IQCH: variants seen among roughly 807,000 people sequenced by gnomAD.
The protein encoded by IQCH is IQ motif containing H, also known as IQ domain-containing protein H.
IQCH carries 98 observed loss-of-function variants against 117.0 expected under a neutral mutation model. The ratio of observed to expected loss-of-function variants is 0.84; its 90% CI spans 0.71 to 0.99. The LOEUF is 0.99. IQCH is among the 50% of genes least tolerant of loss of function. IQCH has a pLI of 0.00. For synonymous variants in IQCH, 412 were observed against 448.2 expected (o/e 0.92, Z 1.02); for missense variants, 1,102 against 1,243.8 (o/e 0.89, Z 1.72).
intron 4 of IQCH, among the ~76,000 whole-genome samples, chr15:67,324,767 A>G (rs2140616005): frequency 6.6e-6 from 1 of 152,216 alleles, no homozygotes; most frequent in Middle Eastern, 3.4e-3. Context: ...ATGAGAAGTC[A>G]ACCATTATTC....
At chr15:67,350,086 T>C (rs1172971037) in intron 6 of IQCH, among the ~76,000 whole-genome samples, 1 of 152,240 alleles carries the variant, frequency 6.6e-6, no homozygotes, top group African/African-American at 2.4e-5. Flanking sequence ...GTTTGTAATA[T>C]ATGAATGTTG....
At position 67,393,806 on chromosome 15, in the gene IQCH, G is replaced by A. The variant is rs990844168; in HGVS notation, c.1633-1485G>A. On this transcript the variant is annotated intron_variant, in intron 12 of 20. Coordinates refer to ENST00000335894, the MANE Select transcript of IQCH (RefSeq NM_001031715.3). This position sits in a 1 kb window ranked among gnomAD's most constrained non-coding sequence, Gnocchi z 5.5. ...TACTGGGATTACAGGTATGAGCCAC[G>A]GTGCCTAGCCTGACTTTATTTTTAA... 6.6e-6 allele frequency among the ~76,000 whole-genome samples: 1 copy of A among 151,952 alleles called. No individual in the cohort carries two copies. Among genetic ancestry groups the A allele is most frequent in the East Asian group, 1.9e-4 (1 of 5,182 alleles).
At position 67,364,516 on chromosome 15, in the gene IQCH, AT is replaced by A. The variant is rs1160861083; in HGVS notation, c.753+4636del. 3.3e-5 allele frequency among the ~76,000 whole-genome samples: 5 copies of A among 152,150 alleles called. No individual in the cohort carries two copies. The highest frequency in any genetic ancestry group is 3.3e-4 in the Admixed American group (5 of 15,280). On this transcript the variant is annotated intron_variant, in intron 8 of 20. Transcript: ENST00000335894. This position sits in a 1 kb window ranked among gnomAD's most constrained non-coding sequence, Gnocchi z 4.1. ...TTTTCATAGCATTGTCTAACTGAAC[AT>A]TTTTATTACATGTGATTAATAATTT...
In IQCH at chr15:67,425,314, A is replaced by G. The variant is rs955588508; in HGVS notation, c.2505+3737A>G. On this transcript the variant is annotated intron_variant, in intron 16 of 20. Transcript: ENST00000335894. The surrounding 1 kb of genome is among the most constrained non-coding windows in gnomAD (Gnocchi z 5.5). ...TTATTTTTGGCCATGTTTCTCCACC[A>G]TAAAAATTACTATTTCTGGCCAGGT... Among the ~76,000 whole-genome samples the G allele has an allele frequency of 1.3e-5, 2 of 152,152 alleles. No homozygotes were observed. Among genetic ancestry groups the G allele is most frequent in the African/African-American group, 2.4e-5 (1 of 41,440 alleles).
At position 67,336,997 on chromosome 15, in the gene IQCH, A is replaced by G. The variant is rs138268014; in HGVS notation, c.410A>G (p.Lys137Arg). 2.0e-4 allele frequency: 317 copies of G among 1,613,432 alleles called. No homozygotes were observed. Among genetic ancestry groups the G allele is most frequent in the Non-Finnish European group, 2.5e-4 (294 of 1,179,698 alleles). The change falls in exon 5 of 21, where the codon AAA (lysine) becomes AGA (arginine). Residue 137 changes from lysine (K) to arginine (R), a missense_variant. Around this residue, in one of 2 missense-constraint regions of IQCH, gnomAD observed 452 missense variants for 449.6 expected, o/e 1.01. Coordinates refer to ENST00000335894, the MANE Select transcript of IQCH (RefSeq NM_001031715.3). ...RAKIKVSKLI[K>R]GSNISSLTVL... The stretch of plus-strand genomic sequence containing the variant: ...TAGATAAAGGTTTCGAAGTTAATCA[A>G]AGGGTCTAACATATCCAGCCTCACG...
intron 4 of IQCH, among the ~76,000 whole-genome samples, chr15:67,296,892 C>G (rs1966855551): frequency 1.3e-5 from 2 of 152,126 alleles, no homozygotes; most frequent in Non-Finnish European, 2.9e-5. Context: ...TGACTGTGAC[C>G]ACACTCACCT....
chr15:67,494,156 C>T lies in IQCH; in HGVS notation c.2862-102C>T, dbSNP rs771130060. ...GCCACCTTGTGAGATTGAAAATACT[C>T]ATTAAATTCCATCACCAGACAGGCA... On this transcript the variant is annotated intron_variant, in intron 19 of 20. Coordinates refer to ENST00000335894, the MANE Select transcript of IQCH (RefSeq NM_001031715.3). This position sits in a 1 kb window ranked among gnomAD's most constrained non-coding sequence, Gnocchi z 5.5. The T allele has an allele frequency of 2.8e-6, 2 of 705,046 alleles. No individual in the cohort carries two copies. Among genetic ancestry groups the T allele is most frequent in the South Asian group, 2.3e-5 (1 of 43,836 alleles). 43.7% of individuals were successfully genotyped at this position (705,046 alleles called of 1,614,324 possible). A position where few individuals can be genotyped will look rare whatever the true frequency, so the allele number is the denominator to read the frequency against.
At chr15:67,462,363 G>A (rs2141016087) in intron 16 of IQCH, among the ~76,000 whole-genome samples, 1 of 151,562 alleles carries the variant, frequency 6.6e-6, no homozygotes, top group South Asian at 2.1e-4. Flanking sequence ...GGGAGGCAGA[G>A]GTTGCAGTGA....
At chr15:67,489,565 C>T (rs2083592391) in intron 18 of IQCH, among the ~76,000 whole-genome samples, 1 of 121,610 alleles carries the variant, frequency 8.2e-6, no homozygotes, top group Admixed American at 8.5e-5. Context: ...ATTCTCCCGC[C>T]TCAGTCTCCC....
intron 4 of IQCH, 100 bp downstream of exon 4, chr15:67,279,612 T>C: frequency 1.6e-6 from 1 of 609,780 alleles, no homozygotes; most frequent in Non-Finnish European, 2.9e-6. Context: ...GTATGAAGTT[T>C]CTTTGGGGGA....
chr15:67,327,365 A>G (rs115304154), intron 4 of IQCH, among the ~76,000 whole-genome samples: 438 of 152,294 alleles, frequency 2.9e-3, no homozygotes, highest in African/African-American at 9.9e-3. Flanking sequence ...TGGACATGCA[A>G]TGTCTGAATA....
rs553250630 is a variant in IQCH, at chr15:67,401,262, CTTAA to C, written c.2097+962_2097+965del. Among the ~76,000 whole-genome samples, 579 of 152,270 alleles carry C rather than the reference CTTAA, an allele frequency of 3.8e-3. 7 individuals are homozygous for C. The highest frequency in any genetic ancestry group is 0.013 in the African/African-American group (546 of 41,544). On this transcript the variant is annotated intron_variant, in intron 14 of 20. Coordinates refer to ENST00000335894, the MANE Select transcript of IQCH (RefSeq NM_001031715.3). The surrounding 1 kb of genome is among the most constrained non-coding windows in gnomAD (Gnocchi z 4.7). Reference sequence around the variant, plus strand: ...AACCTTTTAGTCCCTTCCAAATTTGCTTAATTAAAGTAATTTTATATGGTTTAAT... The same window carrying C: ...AACCTTTTAGTCCCTTCCAAATTTGCTTAAAGTAATTTTATATGGTTTAAT...
intron 8 of IQCH, among the ~76,000 whole-genome samples, chr15:67,360,269 A>G (rs1461434371): frequency 2.0e-5 from 3 of 152,212 alleles, no homozygotes; most frequent in African/African-American, 4.8e-5. Flanking sequence ...ACGTGCTTAT[A>G]TGTGTGCATG....
chr15:67,279,563 G>T, intron 4 of IQCH, 51 bp downstream of exon 4: 1 of 1,042,962 alleles, frequency 9.6e-7, no homozygotes. Context: ...TGATTGCCAG[G>T]GGCTGGGAGG....
At chr15:67,276,226 T>G (rs748741016) in intron 3 of IQCH, among the ~76,000 whole-genome samples, 2 of 152,200 alleles carry the variant, frequency 1.3e-5, no homozygotes, top group Non-Finnish European at 2.9e-5. Context: ...TCCATAGAAG[T>G]AAAAGGATTT....
rs1971300143 is a variant in IQCH, at chr15:67,391,973, C to T, written c.1632+2967C>T. Among the ~76,000 whole-genome samples, 1 of 152,160 alleles carries T rather than the reference C, an allele frequency of 6.6e-6. No individual in the cohort carries two copies. The highest frequency in any genetic ancestry group is 1.5e-5 in the Non-Finnish European group (1 of 68,026). Reference sequence around the variant, plus strand: ...TTCTATTGCTGCATCTGCCATCCCCCTTCACATCTCAAAAACCCACCAGAT... The same window carrying T: ...TTCTATTGCTGCATCTGCCATCCCCTTTCACATCTCAAAAACCCACCAGAT... On this transcript the variant is annotated intron_variant, in intron 12 of 20. Transcript: ENST00000335894. The surrounding 1 kb of genome is among the most constrained non-coding windows in gnomAD (Gnocchi z 4.3).
intron 4 of IQCH, among the ~76,000 whole-genome samples, chr15:67,300,972 G>A (rs538207459): frequency 1.4e-4 from 21 of 152,228 alleles, no homozygotes; most frequent in African/African-American, 4.6e-4. Flanking sequence ...AATTGGCTCT[G>A]ATAATAACTT....
intron 16 of IQCH, among the ~76,000 whole-genome samples, chr15:67,438,679 A>G (rs2082195432): frequency 6.6e-6 from 1 of 152,228 alleles, no homozygotes; most frequent in East Asian, 1.9e-4. Flanking sequence ...CATCTAACAC[A>G]TAAGGACTCA....
chr15:67,421,458 C>T lies in IQCH; in HGVS notation c.2386C>T (p.Pro796Ser), dbSNP rs1483373381. 2 of 1,614,182 alleles carry T rather than the reference C, an allele frequency of 1.2e-6. No individual in the cohort carries two copies. The highest frequency in any genetic ancestry group is 1.7e-6 in the Non-Finnish European group (2 of 1,180,024). The change falls in exon 16 of 21, where the codon CCC becomes TCC. Residue 796 changes from proline (P) to serine (S), a missense_variant. Transcript: ENST00000335894. The stretch of plus-strand genomic sequence containing the variant: ...CACCGTGCCTCAGACCTCAGTGGAT[C>T]CCCAAGTTCTCACTTATTTGTGCCT... ...GTTVPQTSVDPQVLTYLCLQI... is the reference protein window; with the variant it reads ...GTTVPQTSVDSQVLTYLCLQI...
Sources: gnomAD v4.1 joint callset for allele counts (sites outside exome capture counted in the v4.1 genomes callset) on GRCh38, gnomAD v4.1.1 for gene constraint, gnomAD v4.1.1 regional missense constraint, Gnocchi (gnomAD v3.1) non-coding constraint, MANE v1.5 for transcripts, NCBI Gene and HGNC (gene_info 2026-07-23, HGNC 2026-07-21) for gene names.